Variants in TBC1D4 observed in about 807,000 individuals in gnomAD.
TBC1D4 encodes the protein TBC (Tre-2, BUB2, CDC16) domain-containing protein.
In TBC1D4, 121 loss-of-function variants were observed where a neutral mutation model predicts 142.5. The ratio of observed to expected loss-of-function variants is 0.85; its 90% CI spans 0.73 to 0.99. The LOEUF (loss-of-function observed/expected upper bound fraction) is 0.99, where lower values mean the gene tolerates loss of function less well. Among genes scored for constraint, TBC1D4 ranks in the 50% least tolerant of loss-of-function variants. The probability of loss-of-function intolerance (pLI) is 0.00; values close to 1 mark genes in which losing one functional copy is unlikely to be tolerated. For synonymous variants in TBC1D4, 630 were observed against 628.2 expected, an observed-to-expected ratio of 1.00 and a Z score of -0.04; for missense variants, 1,475 against 1,606.6, an observed-to-expected ratio of 0.92 and a Z score of 1.40.
chr13:75,477,820 T>C (rs560779892), intron 1 of TBC1D4, among the ~76,000 whole-genome samples: 1 of 152,342 alleles, frequency 6.6e-6, no homozygotes, highest in East Asian at 1.9e-4. Flanking sequence ...ATTAAGCCCT[T>C]TTCCCAGTTC....
At chr13:75,319,977 A>G in intron 12 of TBC1D4, 37 bp downstream of exon 12, 1 of 1,605,660 alleles carries the variant, frequency 6.2e-7, no homozygotes, top group Non-Finnish European at 8.5e-7. Flanking sequence ...GAATCTGTGA[A>G]TTTTTTTTAA....
intron 12 of TBC1D4, among the ~76,000 whole-genome samples, chr13:75,314,812 CAA>C (rs71201174): frequency 0.065 from 7,863 of 120,066 alleles, 545 homozygotes; most frequent in African/African-American, 0.2. Context: ...ACTAAAAATA[CAA>C]AAAAAAAAAA....
At chr13:75,339,587 CT>C (rs34336000) in intron 7 of TBC1D4, among the ~76,000 whole-genome samples, 9,649 of 147,762 alleles carry the variant, frequency 0.065, 459 homozygotes, top group Admixed American at 0.12. Flanking sequence ...GCTCAATGTT[CT>C]TTTTTTTTTT....
chr13:75,388,936 T>A (rs910987544), intron 1 of TBC1D4, among the ~76,000 whole-genome samples: 1 of 152,252 alleles, frequency 6.6e-6, no homozygotes, highest in Non-Finnish European at 1.5e-5. Flanking sequence ...TATTGGTTTG[T>A]GTAGCCTTGT....
chr13:75,411,985 C>T (rs576831745), intron 1 of TBC1D4, among the ~76,000 whole-genome samples: 5 of 152,296 alleles, frequency 3.3e-5, no homozygotes, highest in African/African-American at 1.2e-4. Context: ...TGAAATGTCA[C>T]TAGTCTAACT....
intron 1 of TBC1D4, among the ~76,000 whole-genome samples, chr13:75,408,255 G>C (rs539267701): frequency 6.6e-6 from 1 of 152,192 alleles, no homozygotes; most frequent in African/African-American, 2.4e-5. Context: ...ATTTTTTGGG[G>C]TTCATAATGT....
chr13:75,353,468 G>A (rs1425084658), intron 4 of TBC1D4, among the ~76,000 whole-genome samples: 1 of 152,112 alleles, frequency 6.6e-6, no homozygotes, highest in Non-Finnish European at 1.5e-5. Context: ...ACACGTAAAA[G>A]AGACAGTCCA....
chr13:75,336,153 C>G (rs1880178078), intron 8 of TBC1D4, among the ~76,000 whole-genome samples: 1 of 152,170 alleles, frequency 6.6e-6, no homozygotes, highest in South Asian at 2.1e-4. Flanking sequence ...AATCCCAGCA[C>G]TTTGGGAGGC....
At chr13:75,312,620 TACAG>T in intron 13 of TBC1D4, 114 bp downstream of exon 13, 10 of 1,357,996 alleles carry the variant, frequency 7.4e-6, no homozygotes, top group Non-Finnish European at 1.0e-5. Context: ...CTGTATCACA[TACAG>T]AAAGATATTT....
intron 1 of TBC1D4, among the ~76,000 whole-genome samples, chr13:75,418,302 C>T (rs965923620): frequency 3.3e-5 from 5 of 151,966 alleles, no homozygotes; most frequent in Non-Finnish European, 7.4e-5. Context: ...AAATTGTAAT[C>T]GAATGTGTGA....
In TBC1D4 at chr13:75,299,372, G is replaced by A. The variant is rs946619909; in HGVS notation, c.3114C>T (p.Leu1038=). Residue 1038 remains leucine (L), a synonymous_variant, in exon 17 of 21, where the codon CTC becomes CTT. Coordinates refer to ENST00000377636, the MANE Select transcript of TBC1D4 (RefSeq NM_014832.5). ...FEMLKFLMYD[L]GFRKQYRPDM... ...CAGGTCTGTACTGCTTGCGGAAGCC[G>A]AGGTCATACATGAGGAATTTCAGCA... 3.2e-5 allele frequency: 52 copies of A among 1,614,044 alleles called. No individual in the cohort carries two copies. The highest frequency in any genetic ancestry group is 1.1e-4 in the African/African-American group (8 of 74,912).
At chr13:75,341,657 T>C (rs1880716938) in intron 5 of TBC1D4, 70 bp from the exon 6 acceptor site, 1 of 1,193,468 alleles carries the variant, frequency 8.4e-7, no homozygotes, top group African/African-American at 1.5e-5. Flanking sequence ...GAGAATGCAT[T>C]ACACTTCACC....
chr13:75,326,187 T>C lies in TBC1D4; in HGVS notation c.2033+10A>G, dbSNP rs778372573. ...AATCTAGGTCTCATTCTGGAGAGGG[T>C]CAGACTCACCTGCACTGTTCACTGG... is the stretch of plus-strand genomic sequence containing the variant. On this transcript the variant is annotated intron_variant, in intron 10 of 20. Transcript: ENST00000377636. 4.3e-6 allele frequency: 7 copies of C among 1,613,912 alleles called. No homozygotes were observed. In the Admixed American group the frequency reaches 1.2e-4, roughly 27 times the overall value.
chr13:75,357,007 G>A (rs980858047), intron 3 of TBC1D4, among the ~76,000 whole-genome samples: 2 of 152,164 alleles, frequency 1.3e-5, no homozygotes, highest in African/African-American at 4.8e-5. Context: ...AAATCCAAGT[G>A]AAAAGGAAAA....
At chr13:75,464,140 T>C (rs1888077429) in intron 1 of TBC1D4, among the ~76,000 whole-genome samples, 1 of 152,332 alleles carries the variant, frequency 6.6e-6, no homozygotes, top group East Asian at 1.9e-4. Flanking sequence ...TAAATCCACA[T>C]GCAACAACCA....
chr13:75,428,076 C>T (rs1886450441), intron 1 of TBC1D4, among the ~76,000 whole-genome samples: 1 of 152,150 alleles, frequency 6.6e-6, no homozygotes, highest in East Asian at 1.9e-4. Context: ...CATTGAATAT[C>T]TGGCATTCTC....
At chr13:75,387,948 A>C (rs142145709) in intron 1 of TBC1D4, among the ~76,000 whole-genome samples, 1 of 152,236 alleles carries the variant, frequency 6.6e-6, no homozygotes, top group South Asian at 2.1e-4. Flanking sequence ...TGGTGCTGGC[A>C]GACTGTGATA....
At position 75,348,955 on chromosome 13, in the gene TBC1D4, G is replaced by C. The variant is rs1315884722; in HGVS notation, c.1408+215C>G. Among the ~76,000 whole-genome samples, 17 of 19,374 alleles carry C rather than the reference G, an allele frequency of 8.8e-4. 1 individual carries two copies. The highest frequency in any genetic ancestry group is 3.7e-3 in the African/African-American group (17 of 4,558). 12.7% of individuals were successfully genotyped at this position (19,374 alleles called of 152,430 possible). On this transcript the variant is annotated intron_variant, in intron 5 of 20. Transcript: ENST00000377636. ...GAGAGAGAGTAGAGAGAGAGAGAGA[G>C]TGTGTGTGTGTGTGTGTGTGTGTGT...
At chr13:75,337,689 T>C (rs898046753) in intron 7 of TBC1D4, among the ~76,000 whole-genome samples, 3 of 152,080 alleles carry the variant, frequency 2.0e-5, no homozygotes, top group African/African-American at 4.8e-5. Context: ...GGGGAGGGAA[T>C]AGCAACACAA....
Sources: gnomAD v4.1 joint callset for allele counts (sites outside exome capture counted in the v4.1 genomes callset) on GRCh38, gnomAD v4.1.1 for gene constraint, MANE v1.5 for transcripts, NCBI Gene and HGNC (gene_info 2026-07-23, HGNC 2026-07-21) for gene names.